Variants in C4orf51 observed in about 807,000 individuals in gnomAD.
C4orf51 encodes chromosome 4 open reading frame 51, also known as uncharacterized protein C4orf51.
A neutral mutation model predicts 25.2 loss-of-function variants in C4orf51; 25 were observed. That is an observed-to-expected ratio of 0.99 (90% CI 0.72 to 1.39). The LOEUF (loss-of-function observed/expected upper bound fraction) is 1.39. Among genes scored for constraint, C4orf51 ranks in the 40% most tolerant of loss-of-function variants. The pLI is 0.00. For synonymous variants in C4orf51, 100 were observed against 84.5 expected (o/e 1.18, Z -1.01); for missense variants, 252 against 239.6 (o/e 1.05, Z -0.34).
downstream of C4orf51, among the ~76,000 whole-genome samples, chr4:145,773,785 C>A (rs1254398639): frequency 6.6e-6 from 1 of 152,150 alleles, no homozygotes; most frequent in Non-Finnish European, 1.5e-5. Context: ...TTTCTTTGGC[C>A]GCGAACACAC....
At chr4:145,760,843 A>G in intron 1 of C4orf51, 1 of 1,202,514 alleles carries the variant, frequency 8.3e-7, no homozygotes, top group Non-Finnish European at 1.1e-6. Flanking sequence ...GGGTGAGGGG[A>G]TGCTGGGAGG....
chr4:145,771,468 C>CAA (rs1736272096), downstream of C4orf51, among the ~76,000 whole-genome samples: 1 of 152,148 alleles, frequency 6.6e-6, no homozygotes, highest in Non-Finnish European at 1.5e-5. Flanking sequence ...TCCAAATAGC[C>CAA]ATTCAGATTC....
At chr4:145,737,527 A>G (rs897960939), downstream of C4orf51, among the ~76,000 whole-genome samples, 1 of 152,182 alleles carries the variant, frequency 6.6e-6, no homozygotes, top group Non-Finnish European at 1.5e-5. Flanking sequence ...GCTGGAGCAC[A>G]TCTTTGGTAG....
chr4:145,729,679 C>G (rs1732353549), intron 4 of C4orf51, among the ~76,000 whole-genome samples: 2 of 152,166 alleles, frequency 1.3e-5, no homozygotes, highest in Admixed American at 1.3e-4. Context: ...CATTTTATCT[C>G]TCCTAACAAT....
the C4orf51 span, among the ~76,000 whole-genome samples, chr4:145,779,978 C>T: frequency 6.6e-6 from 1 of 152,126 alleles, no homozygotes; most frequent in Non-Finnish European, 1.5e-5. Flanking sequence ...ATCACTTGAG[C>T]TCAGAAGTTC....
At chr4:145,735,635 G>A (rs1192095305), downstream of C4orf51, among the ~76,000 whole-genome samples, 3 of 152,204 alleles carry the variant, frequency 2.0e-5, no homozygotes, top group Admixed American at 6.5e-5. Context: ...GAATGAGAAT[G>A]AACTTTGGCT....
In C4orf51 at chr4:145,762,167, CTG is replaced by C. The variant is rs1242766387; in HGVS notation, n.167-8813_167-8812del. On this transcript the variant is annotated intron_variant and non_coding_transcript_variant, in intron 1 of 1. Coordinates refer to the C4orf51 transcript ENST00000510096. The surrounding 1 kb of genome is among the most constrained non-coding windows in gnomAD (Gnocchi z 4.9). ...TAAGGGTTTGTTAGGATGAGAAGGC[CTG>C]TGTGTGTCTCTCTGTGTGAGTGTGT... Among the ~76,000 whole-genome samples, 5 of 152,038 alleles carry C rather than the reference CTG, an allele frequency of 3.3e-5. No homozygotes were observed. The highest frequency in any genetic ancestry group is 3.3e-4 in the Admixed American group (5 of 15,270).
rs564207865 is a variant in C4orf51 at position 145,761,388 on chromosome 4, G to T, written n.167-9600G>T. On this transcript the variant is annotated intron_variant and non_coding_transcript_variant, in intron 1 of 1. Transcript: ENST00000510096. The surrounding 1 kb of genome is among the most constrained non-coding windows in gnomAD (Gnocchi z 6.8). The stretch of plus-strand genomic sequence containing the variant: ...CCCCGGTGTGGACGCGCACGTGCTC[G>T]ATGAGCTTGTTGGCGGTCTTGGACA... The T allele has an allele frequency of 1.6e-6, 2 of 1,289,908 alleles. No homozygotes were observed. The highest frequency in any genetic ancestry group is 2.0e-6 in the Non-Finnish European group (2 of 988,878). 79.9% of individuals were successfully genotyped at this position (1,289,908 alleles called of 1,614,324 possible).
chr4:145,763,852 C>T lies in C4orf51; in HGVS notation n.167-7136C>T, dbSNP rs1175207180. The stretch of plus-strand genomic sequence containing the variant: ...CACCCCCTCCCCAATCCCTTCTGCC[C>T]TCCCCTCCCCCTCCCCCAAGAGTGA... On this transcript the variant is annotated intron_variant and non_coding_transcript_variant, in intron 1 of 1. Coordinates refer to the C4orf51 transcript ENST00000510096. The surrounding 1 kb of genome is among the most constrained non-coding windows in gnomAD (Gnocchi z 4.6). Among the ~76,000 whole-genome samples the T allele has an allele frequency of 1.3e-5, 2 of 152,142 alleles. No individual in the cohort carries two copies. Among genetic ancestry groups the T allele is most frequent in the Admixed American group, 6.5e-5 (1 of 15,274 alleles).
intron 1 of C4orf51, among the ~76,000 whole-genome samples, chr4:145,684,269 T>G (rs1729007121): frequency 6.6e-6 from 1 of 151,876 alleles, no homozygotes; most frequent in African/African-American, 2.4e-5. Context: ...GATCATGAGG[T>G]CAGGAGATCG....
intron 1 of C4orf51, among the ~76,000 whole-genome samples, chr4:145,744,183 C>A (rs923538655): frequency 6.8e-6 from 1 of 147,154 alleles, no homozygotes; most frequent in African/African-American, 2.5e-5. Flanking sequence ...TCATGGTTAG[C>A]GTGGAGGGGG....
intron 1 of C4orf51, among the ~76,000 whole-genome samples, chr4:145,693,962 G>C (rs1729824649): frequency 7.0e-6 from 1 of 143,160 alleles, no homozygotes; most frequent in African/African-American, 2.6e-5. Context: ...TGGCTGCCGG[G>C]CGGAGAGGCT....
intron 1 of C4orf51, among the ~76,000 whole-genome samples, chr4:145,683,011 AT>A (rs200493334): frequency 4.6e-5 from 7 of 151,884 alleles, no homozygotes; most frequent in African/African-American, 7.3e-5. Flanking sequence ...AAATAAAAAA[AT>A]TTTAAAAAAA....
At chr4:145,745,207 T>C (rs1489342607) in intron 1 of C4orf51, among the ~76,000 whole-genome samples, 1 of 152,212 alleles carries the variant, frequency 6.6e-6, no homozygotes, top group East Asian at 1.9e-4. Context: ...ATGTATCCTT[T>C]GTGTTGCAAA....
At chr4:145,784,273 A>T in the C4orf51 span, among the ~76,000 whole-genome samples, 124 of 152,318 alleles carry the variant, frequency 8.1e-4, 2 homozygotes, top group African/African-American at 2.8e-3. Flanking sequence ...TCAGTAGCTG[A>T]GTGAACGCCA....
chr4:145,766,470 C>G (rs1469218742), intron 1 of C4orf51, among the ~76,000 whole-genome samples: 2 of 152,208 alleles, frequency 1.3e-5, no homozygotes, highest in Non-Finnish European at 2.9e-5. Flanking sequence ...AGCCATATGA[C>G]TGATCAGTTT....
At chr4:145,768,857 T>TAAA (rs1735737627) in intron 1 of C4orf51, among the ~76,000 whole-genome samples, 1 of 5,740 alleles carries the variant, frequency 1.7e-4, no homozygotes, top group Non-Finnish European at 3.3e-4. Flanking sequence ...AGACTCCGTC[T>TAAA]CAAAAAAAAA....
At chr4:145,707,997 C>T (rs1355887009) in intron 2 of C4orf51, among the ~76,000 whole-genome samples, 12 of 152,164 alleles carry the variant, frequency 7.9e-5, no homozygotes, top group African/African-American at 2.7e-4. Flanking sequence ...TTCCAGTGGC[C>T]GACTTTCTGG....
intron 2 of C4orf51, among the ~76,000 whole-genome samples, chr4:145,703,274 T>A (rs1006706976): frequency 1.3e-5 from 2 of 151,792 alleles, no homozygotes; most frequent in Admixed American, 6.6e-5. Flanking sequence ...TCATCCTGGC[T>A]CAAAAGCACC....
Sources: gnomAD v4.1 joint callset for allele counts (sites outside exome capture counted in the v4.1 genomes callset) on GRCh38, gnomAD v4.1.1 for gene constraint, Gnocchi (gnomAD v3.1) non-coding constraint, MANE v1.5 for transcripts, NCBI Gene and HGNC (gene_info 2026-07-23, HGNC 2026-07-21) for gene names.